GLI3: variants seen among roughly 807,000 people sequenced by gnomAD.
The protein encoded by GLI3 is GLI family zinc finger 3.
In GLI3, 20 loss-of-function variants were observed where a neutral mutation model predicts 100.8. The observed-to-expected ratio is 0.20, with a 90% CI of 0.14 to 0.29. The LOEUF is 0.29. Ranked by LOEUF, GLI3 falls within the 10% of genes least tolerant of loss-of-function variation. The probability of loss-of-function intolerance (pLI) is 1.00; values close to 1 mark genes in which losing one functional copy is unlikely to be tolerated. For synonymous variants in GLI3, 938 were observed against 860.5 expected (o/e 1.09, Z -1.58); for missense variants, 2,040 against 2,128.5 (o/e 0.96, Z 0.82).
In GLI3 at chr7:41,974,560, T is replaced by C. The variant is rs568874555; in HGVS notation, c.1813-1933A>G. 1.2e-4 allele frequency among the ~76,000 whole-genome samples: 19 copies of C among 152,204 alleles called. No homozygotes were observed. The South Asian group carries it at 3.5e-3, about 28-fold the overall frequency. On this transcript the variant is annotated intron_variant, in intron 12 of 14. Transcript: ENST00000395925. ...TAATCATAAGGAATACAAAATCTGA[T>C]AGGAAAAATAAGAAGATGCAATGAT...
chr7:42,006,854 T>C (rs147771242), intron 10 of GLI3, among the ~76,000 whole-genome samples: 76 of 152,316 alleles, frequency 5.0e-4, no homozygotes, highest in African/African-American at 1.7e-3. Flanking sequence ...GACCAGTTCA[T>C]TTCTATTTGG....
chr7:41,983,509 G>A (rs2128714669), intron 10 of GLI3, among the ~76,000 whole-genome samples: 1 of 152,296 alleles, frequency 6.6e-6, no homozygotes, highest in East Asian at 1.9e-4. Context: ...AATTCAATGG[G>A]CACGAGTTTA....
intron 10 of GLI3, among the ~76,000 whole-genome samples, chr7:42,013,526 G>C (rs766170515): frequency 2.0e-5 from 3 of 151,902 alleles, no homozygotes; most frequent in Non-Finnish European, 4.4e-5. Flanking sequence ...ACCATGTTCG[G>C]CTAAATTAGT....
intron 3 of GLI3, among the ~76,000 whole-genome samples, chr7:42,117,241 G>A (rs1203347864): frequency 3.9e-5 from 6 of 152,210 alleles, no homozygotes; most frequent in African/African-American, 1.4e-4. Context: ...GTAGGGGAAG[G>A]AGAAGGAAAT....
intron 2 of GLI3, among the ~76,000 whole-genome samples, chr7:42,186,187 C>T (rs1419729672): frequency 6.6e-6 from 1 of 152,196 alleles, no homozygotes; most frequent in South Asian, 2.1e-4. Flanking sequence ...CCTGACAACC[C>T]TCCTCCAATC....
chr7:42,012,875 G>GC (rs1205207060), intron 10 of GLI3, among the ~76,000 whole-genome samples: 2 of 152,146 alleles, frequency 1.3e-5, no homozygotes, highest in African/African-American at 4.8e-5. Flanking sequence ...AACTCTCCCT[G>GC]CCCCCAGGAA....
rs180844439 is a variant in GLI3, at chr7:42,193,053, G to A, written c.124+30077C>T. ...AAGTTTAGGGTTTCAAAAAAGGGGG[G>A]AAACGACCACATCAAAAAGGTGACG... On this transcript the variant is annotated intron_variant, in intron 2 of 14. Coordinates refer to ENST00000395925, the MANE Select transcript of GLI3 (RefSeq NM_000168.6). Among the ~76,000 whole-genome samples, 9 of 152,224 alleles carry A rather than the reference G, an allele frequency of 5.9e-5. No individual in the cohort carries two copies. In the South Asian group the frequency reaches 1.5e-3, roughly 25 times the overall value.
At chr7:42,065,613 T>C (rs990037912) in intron 4 of GLI3, among the ~76,000 whole-genome samples, 9 of 152,220 alleles carry the variant, frequency 5.9e-5, no homozygotes, top group African/African-American at 9.6e-5. Context: ...TATAGTAAGA[T>C]ACTCGAATAA....
At chr7:42,238,209 G>T (rs1311669711), upstream of GLI3, among the ~76,000 whole-genome samples, 1 of 151,128 alleles carries the variant, frequency 6.6e-6, no homozygotes, top group African/African-American at 2.4e-5. Flanking sequence ...TCTCCACACC[G>T]CCAGGACACC....
chr7:42,077,609 T>C (rs1269293066), intron 3 of GLI3, among the ~76,000 whole-genome samples: 3 of 151,966 alleles, frequency 2.0e-5, no homozygotes, highest in Admixed American at 1.3e-4. Flanking sequence ...GCTTCCACCT[T>C]TCCCCAGTCC....
chr7:41,996,199 T>A (rs1203710395), intron 10 of GLI3, among the ~76,000 whole-genome samples: 1 of 152,244 alleles, frequency 6.6e-6, no homozygotes, highest in Non-Finnish European at 1.5e-5. Flanking sequence ...AATTCCCTCT[T>A]TATTTTGGTC....
At chr7:42,002,051 G>A (rs992675599) in intron 10 of GLI3, among the ~76,000 whole-genome samples, 2 of 148,604 alleles carry the variant, frequency 1.3e-5, no homozygotes, top group Non-Finnish European at 3.0e-5. Context: ...GGAAAACATG[G>A]CAAGACACAC....
chr7:42,132,800 T>C (rs995773748), intron 3 of GLI3, among the ~76,000 whole-genome samples: 1 of 152,110 alleles, frequency 6.6e-6, no homozygotes, highest in Non-Finnish European at 1.5e-5. Context: ...TGATCAGAAA[T>C]GAGCCAACAT....
At chr7:42,090,504 C>T (rs1179482570) in intron 3 of GLI3, among the ~76,000 whole-genome samples, 1 of 152,188 alleles carries the variant, frequency 6.6e-6, no homozygotes. Flanking sequence ...CCTTCTTCCT[C>T]AACATAAACA....
chr7:42,042,038 G>A (rs79702430), intron 6 of GLI3, among the ~76,000 whole-genome samples: 10,733 of 126,538 alleles, frequency 0.085, 508 homozygotes, highest in Non-Finnish European at 0.11. Flanking sequence ...TTTTTGAGAT[G>A]TGGTCTTGCT....
chr7:42,099,924 C>G (rs766066771), intron 3 of GLI3, among the ~76,000 whole-genome samples: 6 of 152,284 alleles, frequency 3.9e-5, no homozygotes, highest in Non-Finnish European at 7.3e-5. Flanking sequence ...AGTATTTTCT[C>G]TCCATGAGGA....
intron 4 of GLI3, 39 bp downstream of exon 4, chr7:42,076,713 T>C: frequency 7.9e-7 from 1 of 1,272,340 alleles, no homozygotes; most frequent in Non-Finnish European, 1.2e-6. Context: ...AGCCAGCATC[T>C]CGTTCCATTT....
At chr7:42,057,099 C>A (rs1784478830) in intron 4 of GLI3, among the ~76,000 whole-genome samples, 1 of 152,038 alleles carries the variant, frequency 6.6e-6, no homozygotes, top group African/African-American at 2.4e-5. Flanking sequence ...TCCAAGCTAA[C>A]CAATGTCAAC....
chr7:42,153,338 G>A (rs755080902), intron 2 of GLI3, among the ~76,000 whole-genome samples: 1 of 151,978 alleles, frequency 6.6e-6, no homozygotes, highest in East Asian at 1.9e-4. Context: ...TCCCTTAACC[G>A]GCCTGCACTC....
Sources: gnomAD v4.1 joint callset for allele counts (sites outside exome capture counted in the v4.1 genomes callset) on GRCh38, gnomAD v4.1.1 for gene constraint, MANE v1.5 for transcripts, NCBI Gene and HGNC (gene_info 2026-07-23, HGNC 2026-07-21) for gene names.